The following LHX4 variants were observed in gnomAD, a reference collection of about 807,000 sequenced individuals.
The protein encoded by LHX4 is LIM homeobox 4.
In LHX4, 16 loss-of-function variants were observed where a neutral mutation model predicts 39.2. The observed-to-expected ratio is 0.41, with a 90% CI of 0.28 to 0.62. The LOEUF (loss-of-function observed/expected upper bound fraction) is 0.62. Ranked by LOEUF, LHX4 falls within the 20% of genes least tolerant of loss-of-function variation. The pLI is 0.33. For synonymous variants in LHX4, 206 were observed against 198.1 expected, an observed-to-expected ratio of 1.04 and a Z score of -0.33; for missense variants, 439 against 511.9, an observed-to-expected ratio of 0.86 and a Z score of 1.37.
In LHX4 at chr1:180,254,562, G is replaced by A. The variant is rs966120742; in HGVS notation, c.248+6106G>A. ...TGCTGGCTGCAGACAGGGCTTCACT[G>A]GTGACCTTAGCCCACTCTGGTGACC... On this transcript the variant is annotated intron_variant, in intron 2 of 5. Coordinates refer to ENST00000263726, the MANE Select transcript of LHX4 (RefSeq NM_033343.4). Among the ~76,000 whole-genome samples, 11 of 152,362 alleles carry A rather than the reference G, an allele frequency of 7.2e-5. No homozygotes were observed. The Middle Eastern group carries it at 0.014, about 188-fold the overall frequency.
chr1:180,278,345 CT>C lies in LHX4; in HGVS notation c.*3769del, dbSNP rs1649166671. 2 of 150,114 alleles carry C rather than the reference CT, an allele frequency of 1.3e-5. No homozygotes were observed. The highest frequency in any genetic ancestry group is 4.9e-5 in the African/African-American group (2 of 40,744). The allele number at this position is 150,114 out of a possible 1,614,324, so 9.3% of individuals were successfully genotyped here. A position where few individuals can be genotyped will look rare whatever the true frequency, so the allele number is the denominator to read the frequency against. The stretch of plus-strand genomic sequence containing the variant: ...TGAAAAGCACATCACTGGCTCTCTT[CT>C]TTCTTGGATTGGTCAATTGGCCCTT... On this transcript the variant is annotated 3_prime_UTR_variant, in exon 6 of 6. Transcript: ENST00000263726.
intron 1 of LHX4, among the ~76,000 whole-genome samples, chr1:180,238,711 A>G (rs959652612): frequency 1.3e-5 from 2 of 152,226 alleles, no homozygotes; most frequent in African/African-American, 4.8e-5. Context: ...ATTTTATAAA[A>G]ACATTTTGGA....
Position 180,250,866 on chromosome 1 carries a change from A to G in LHX4, c.248+2410A>G, listed in dbSNP as rs559395101. ...CTCCCTAGACCCAGGAAGCGCCCAC[A>G]GTGTGTGCTGAGGAGGGATCCCCAC... On this transcript the variant is annotated intron_variant, in intron 2 of 5. Transcript: ENST00000263726. 3.6e-4 allele frequency among the ~76,000 whole-genome samples: 55 copies of G among 152,226 alleles called. No homozygotes were observed. In the South Asian group the frequency reaches 0.01, roughly 29 times the overall value.
At chr1:180,254,498 A>C (rs554213654) in intron 2 of LHX4, among the ~76,000 whole-genome samples, 1 of 152,330 alleles carries the variant, frequency 6.6e-6, no homozygotes, top group African/African-American at 2.4e-5. Flanking sequence ...CGCAGTCCAG[A>C]ACAGCGCATT....
intron 2 of LHX4, among the ~76,000 whole-genome samples, chr1:180,263,766 G>A (rs370914434): frequency 5.9e-5 from 9 of 152,216 alleles, no homozygotes; most frequent in Non-Finnish European, 1.0e-4. Context: ...CTGGGCCTCC[G>A]GTGACTGAAA....
At chr1:180,271,811 A>G in intron 4 of LHX4, 24 bp from the exon 5 acceptor site, 1 of 1,613,494 alleles carries the variant, frequency 6.2e-7, no homozygotes. Context: ...CCCCCTGAGT[A>G]TGTCCCTTGT....
Position 180,271,518 on chromosome 1 carries a change from A to G in LHX4, c.590A>G (p.Asp197Gly), listed in dbSNP as rs1558224222. 1 of 1,614,164 alleles carries G rather than the reference A, an allele frequency of 6.2e-7. No homozygotes were observed. The highest frequency in any genetic ancestry group is 8.5e-7 in the Non-Finnish European group (1 of 1,180,036). The part of the protein sequence containing the change: ...REQLSSETGL[D>G]MRVVQVWFQN... ...CAGCTGTCCTCAGAGACAGGCCTGGACATGAGGGTCGTACAGGTGAGATGC... is the reference window on the plus strand; with the variant it reads ...CAGCTGTCCTCAGAGACAGGCCTGGGCATGAGGGTCGTACAGGTGAGATGC... The change falls in exon 4 of 6, where the codon GAC becomes GGC. Residue 197 changes from aspartate to glycine, a missense_variant. Physicochemically the swap from Asp to Gly is moderately conservative, Grantham distance 94 (BLOSUM62 -1). Transcript: ENST00000263726.
Position 180,276,093 on chromosome 1 carries a change from T to TA in LHX4, c.*1514_*1515insA, listed in dbSNP as rs1553285079. ...TTATTCCTGTCCCTCTGGGAAGCTG[T>TA]GTTTGCTTCTTCTGGCCTCCCATTC... On this transcript the variant is annotated 3_prime_UTR_variant, in exon 6 of 6. Coordinates refer to ENST00000263726, the MANE Select transcript of LHX4 (RefSeq NM_033343.4). 54 of 152,330 alleles carry TA rather than the reference T, an allele frequency of 3.5e-4. No homozygotes were observed. The highest frequency in any genetic ancestry group is 4.1e-4 in the South Asian group (2 of 4,824). 9.4% of individuals were successfully genotyped at this position (152,330 alleles called of 1,614,324 possible).
intron 2 of LHX4, among the ~76,000 whole-genome samples, chr1:180,256,848 C>T (rs79391247): frequency 2.6e-5 from 4 of 152,102 alleles, no homozygotes; most frequent in Admixed American, 1.3e-4. Context: ...TGAGGTGCTG[C>T]GGGAAGTAAG....
chr1:180,266,460 A>G lies in LHX4; in HGVS notation c.317A>G (p.Gln106Arg), dbSNP rs779518030. The change falls in exon 3 of 6, where the codon CAG (glutamine) becomes CGG (arginine). Residue 106 changes from glutamine (Q) to arginine (R), a missense_variant. Gln to Arg is a conservative substitution (Grantham distance 43, BLOSUM62 1). Transcript: ENST00000263726. This position sits in a 1 kb window ranked among gnomAD's most constrained non-coding sequence, Gnocchi z 5.7. ...IPPTQVVRKA[Q>R]DFVYHLHCFA... ...CCAACCCAGGTGGTCCGCAAGGCCC[A>G]GGACTTTGTCTACCACCTGCACTGC... The G allele has an allele frequency of 6.2e-7, 1 of 1,614,094 alleles. No individual in the cohort carries two copies. The highest frequency in any genetic ancestry group is 2.2e-5 in the East Asian group (1 of 44,894).
In LHX4 at chr1:180,266,507, C is replaced by A. The variant is rs374435549; in HGVS notation, c.364C>A (p.Arg122=). The A allele has an allele frequency of 5.0e-6, 8 of 1,614,222 alleles. No homozygotes were observed. Among genetic ancestry groups the A allele is most frequent in the Non-Finnish European group, 5.9e-6 (7 of 1,180,042 alleles). ...LHCFACIICN[R]QLATGDEFYL... ...CTGCTTTGCTTGCATCATCTGCAAC[C>A]GGCAGCTGGCCACGGGGGACGAATT... is the stretch of plus-strand genomic sequence containing the variant. The change falls in exon 3 of 6, where the codon CGG becomes AGG. Residue 122 remains arginine, a synonymous_variant. Transcript: ENST00000263726. This position sits in a 1 kb window ranked among gnomAD's most constrained non-coding sequence, Gnocchi z 5.7.
chr1:180,252,847 A>C (rs941618419), intron 2 of LHX4, among the ~76,000 whole-genome samples: 1 of 152,176 alleles, frequency 6.6e-6, no homozygotes, highest in Non-Finnish European at 1.5e-5. Flanking sequence ...CAGAGGAGGC[A>C]AGAAGGATTG....
At chr1:180,244,948 G>A (rs1194402522) in intron 1 of LHX4, among the ~76,000 whole-genome samples, 1 of 152,228 alleles carries the variant, frequency 6.6e-6, no homozygotes, top group Non-Finnish European at 1.5e-5. Flanking sequence ...GCAGCCTCCT[G>A]CCACGGCTGT....
At chr1:180,250,670 A>C (rs72712985) in intron 2 of LHX4, among the ~76,000 whole-genome samples, 9,775 of 152,166 alleles carry the variant, frequency 0.064, 458 homozygotes, top group South Asian at 0.21. Flanking sequence ...CTGACCCAGG[A>C]CTTCATCGCC....
Position 180,266,324 on chromosome 1 carries a change from C to T in LHX4, c.249-68C>T. On this transcript the variant is annotated intron_variant, in intron 2 of 5. Transcript: ENST00000263726. This position sits in a 1 kb window ranked among gnomAD's most constrained non-coding sequence, Gnocchi z 5.7. ...TGGTGGGGTAGGAGGGAGGCTGCTC[C>T]AGGAAGTTGGGGGAAGCCAGATCCC... is the stretch of plus-strand genomic sequence containing the variant. The T allele has an allele frequency of 6.5e-7, 1 of 1,529,096 alleles. No homozygotes were observed. The highest frequency in any genetic ancestry group is 9.0e-7 in the Non-Finnish European group (1 of 1,106,052). 94.7% of individuals were successfully genotyped at this position (1,529,096 alleles called of 1,614,324 possible).
Position 180,271,882 on chromosome 1 carries a change from T to C in LHX4, c.654T>C (p.Asp218=), listed in dbSNP as rs1468895628. ...CCAAAGAGAAACGCCTGAAGAAGGA[T>C]GCAGGGCGGCACCGCTGGGGGCAGT... ...RRAKEKRLKK[D]AGRHRWGQFY... The change falls in exon 5 of 6, where the codon GAT becomes GAC. Residue 218 remains aspartate, a synonymous_variant. Transcript: ENST00000263726. 3 of 1,613,502 alleles carry C rather than the reference T, an allele frequency of 1.9e-6. No individual in the cohort carries two copies. The highest frequency in any genetic ancestry group is 8.5e-7 in the Non-Finnish European group (1 of 1,179,950).
chr1:180,230,209 A>C, upstream of LHX4: 2 of 409,496 alleles, frequency 4.9e-6, no homozygotes, highest in Non-Finnish European at 4.5e-6. The surrounding 1 kb of genome is among the most constrained non-coding windows in gnomAD (Gnocchi z 5.8). Context: ...CCGGCACGCG[A>C]AGGGTGGAGG....
chr1:180,269,605 G>A (rs1009932037), intron 3 of LHX4: 3 of 152,292 alleles, frequency 2.0e-5, no homozygotes, highest in Non-Finnish European at 2.9e-5. Context: ...TTATAATTCC[G>A]TAGGCCAAGC....
chr1:180,254,479 A>G (rs1028327393), intron 2 of LHX4, among the ~76,000 whole-genome samples: 2 of 152,220 alleles, frequency 1.3e-5, no homozygotes, highest in Non-Finnish European at 2.9e-5. Flanking sequence ...AGCTGCTCCC[A>G]TTTATCTCCG....
Sources: allele counts gnomAD v4.1 joint callset (sites outside exome capture counted in the v4.1 genomes callset), GRCh38; gene constraint gnomAD v4.1.1; non-coding constraint Gnocchi (gnomAD v3.1); transcripts MANE v1.5; gene names NCBI Gene and HGNC (gene_info 2026-07-23, HGNC 2026-07-21).